The following FAM227B variants were observed in gnomAD, a reference collection of about 807,000 sequenced individuals.
FAM227B encodes family with sequence similarity 227 member B, also known as protein FAM227B.
In FAM227B, 88 loss-of-function variants were observed where a neutral mutation model predicts 73.8. The ratio of observed to expected loss-of-function variants is 1.19; its 90% confidence interval spans 1.00 to 1.42. The LOEUF is 1.42. Among genes scored for constraint, FAM227B ranks in the 40% most tolerant of loss-of-function variants. FAM227B has a pLI of 0.00. For synonymous variants in FAM227B, 210 were observed against 190.5 expected (o/e 1.10, Z -0.84); for missense variants, 632 against 590.9 (o/e 1.07, Z -0.72).
chr15:49,503,616 G>T (rs1326807213), intron 11 of FAM227B, among the ~76,000 whole-genome samples: 3 of 152,040 alleles, frequency 2.0e-5, no homozygotes, highest in East Asian at 3.9e-4. Context: ...GTGGGCAAAG[G>T]ATATGAACAG....
At chr15:49,515,768 G>T (rs889834419) in intron 10 of FAM227B, among the ~76,000 whole-genome samples, 4 of 152,124 alleles carry the variant, frequency 2.6e-5, no homozygotes, top group African/African-American at 9.7e-5. Flanking sequence ...TTGTCTGTTT[G>T]TCTATCAACT....
intron 10 of FAM227B, among the ~76,000 whole-genome samples, chr15:49,521,899 T>G (rs1347657369): frequency 2.0e-5 from 3 of 152,120 alleles, no homozygotes; most frequent in East Asian, 3.9e-4. Flanking sequence ...CATTCAACCA[T>G]GAACTCCCTC....
At chr15:49,417,558 C>T (rs573330980) in intron 11 of FAM227B, among the ~76,000 whole-genome samples, 2 of 152,258 alleles carry the variant, frequency 1.3e-5, no homozygotes, top group South Asian at 4.1e-4. Context: ...CTCACAAAAA[C>T]AAGCAATGAA....
chr15:49,578,304 A>G (rs2075590717), intron 5 of FAM227B, among the ~76,000 whole-genome samples: 1 of 152,120 alleles, frequency 6.6e-6, no homozygotes, highest in Admixed American at 6.6e-5. Flanking sequence ...CCTTAACAGC[A>G]CTCTTAGGCC....
intron 11 of FAM227B, among the ~76,000 whole-genome samples, chr15:49,387,657 G>A (rs2046964827): frequency 6.6e-6 from 1 of 151,516 alleles, no homozygotes; most frequent in African/African-American, 2.4e-5. Flanking sequence ...AAGAAATAAG[G>A]GACATTGAAA....
chr15:49,606,844 GAGA>G (rs983322391), intron 3 of FAM227B, among the ~76,000 whole-genome samples: 8 of 152,186 alleles, frequency 5.3e-5, no homozygotes, highest in African/African-American at 1.9e-4. Context: ...GGGAAATGAA[GAGA>G]AGAAGGGAAG....
intron 11 of FAM227B, among the ~76,000 whole-genome samples, chr15:49,497,486 C>G (rs1288446870): frequency 1.3e-5 from 2 of 152,200 alleles, no homozygotes; most frequent in African/African-American, 4.8e-5. Context: ...CCATACCCTG[C>G]TCTGCCATCA....
At chr15:49,486,651 C>T (rs1029262959) in intron 11 of FAM227B, 8 of 151,944 alleles carry the variant, frequency 5.3e-5, no homozygotes. Flanking sequence ...ACCAAATGCT[C>T]TTTGTCTATG....
At chr15:49,579,374 T>A (rs1245204233) in intron 5 of FAM227B, among the ~76,000 whole-genome samples, 1 of 152,164 alleles carries the variant, frequency 6.6e-6, no homozygotes, top group African/African-American at 2.4e-5. Flanking sequence ...CTATTCACGA[T>A]AGCTAAGGTA....
At chr15:49,510,088 A>T (rs2058874735) in intron 10 of FAM227B, among the ~76,000 whole-genome samples, 1 of 152,090 alleles carries the variant, frequency 6.6e-6, no homozygotes, top group Non-Finnish European at 1.5e-5. Flanking sequence ...AAAGGGCTAT[A>T]TTGTTACATT....
At chr15:49,586,931 G>A (rs1359601547) in intron 5 of FAM227B, among the ~76,000 whole-genome samples, 2 of 152,086 alleles carry the variant, frequency 1.3e-5, no homozygotes, top group African/African-American at 2.4e-5. Context: ...ACAGCTGGTG[G>A]GAATATAAAT....
chr15:49,347,748 G>A (rs2041709563), intron 13 of FAM227B, among the ~76,000 whole-genome samples: 1 of 152,144 alleles, frequency 6.6e-6, no homozygotes. Flanking sequence ...GCCAGGCATG[G>A]TGGCTCACGC....
At chr15:49,468,455 G>A (rs1046630580) in intron 11 of FAM227B, among the ~76,000 whole-genome samples, 1 of 152,096 alleles carries the variant, frequency 6.6e-6, no homozygotes, top group Non-Finnish European at 1.5e-5. Flanking sequence ...TGTATTCCAA[G>A]GTTCTGACTT....
At chr15:49,601,852 T>C (rs2077225020) in intron 3 of FAM227B, among the ~76,000 whole-genome samples, 1 of 152,196 alleles carries the variant, frequency 6.6e-6, no homozygotes, top group Non-Finnish European at 1.5e-5. Context: ...ATGAGTTCAA[T>C]TGTTTTGATT....
intron 2 of FAM227B, 89 bp from the exon 3 acceptor site, chr15:49,611,357 A>C: frequency 1.5e-6 from 1 of 668,256 alleles, no homozygotes; most frequent in Non-Finnish European, 2.5e-6. Flanking sequence ...ATAAAATGAT[A>C]CTCTATTTAT....
At chr15:49,486,101 T>A (rs2045993427) in intron 11 of FAM227B, 1 of 152,056 alleles carries the variant, frequency 6.6e-6, no homozygotes, top group Non-Finnish European at 1.5e-5. Flanking sequence ...TCAATATTTA[T>A]CTAATTTAAA....
At chr15:49,370,673 A>G (rs1270872562) in intron 12 of FAM227B, among the ~76,000 whole-genome samples, 3 of 152,242 alleles carry the variant, frequency 2.0e-5, no homozygotes, top group African/African-American at 4.8e-5. Flanking sequence ...AAGATGATGT[A>G]GACAAAATTT....
intron 11 of FAM227B, chr15:49,484,270 A>C: frequency 1.1e-5 from 16 of 1,477,810 alleles, no homozygotes; most frequent in Non-Finnish European, 1.5e-5. Flanking sequence ...CTCTCTAAAA[A>C]TCATTTGGAT....
chr15:49,489,869 TATATATATATATATAGAGAGAG>T (rs1567383160), intron 11 of FAM227B, among the ~76,000 whole-genome samples: 60 of 15,334 alleles, frequency 3.9e-3, no homozygotes, highest in South Asian at 9.2e-3. Flanking sequence ...TTTATATATA[TATATATATATATATAGAGAGAG>T]AGAGAGAGAG....
Sources: allele counts gnomAD v4.1 joint callset (sites outside exome capture counted in the v4.1 genomes callset), GRCh38; gene constraint gnomAD v4.1.1; transcripts MANE v1.5; gene names NCBI Gene and HGNC (gene_info 2026-07-23, HGNC 2026-07-21).